INPP4B: variants seen among roughly 807,000 people sequenced by gnomAD.
The protein encoded by INPP4B is inositol polyphosphate 4-phosphatase type II.
In INPP4B, 55 loss-of-function variants were observed where a neutral mutation model predicts 122.5. The ratio of observed to expected loss-of-function variants is 0.45; its 90% CI spans 0.36 to 0.56. The LOEUF (loss-of-function observed/expected upper bound fraction) is 0.56. INPP4B is among the 20% of genes least tolerant of loss of function. INPP4B has a pLI of 0.00. For missense variants in INPP4B, 1,000 were observed against 1,097.7 expected, an observed-to-expected ratio of 0.91 and a Z score of 1.26; for synonymous variants, 403 against 388.7, an observed-to-expected ratio of 1.04 and a Z score of -0.43.
At chr4:142,341,254 G>T (rs770203351) in intron 7 of INPP4B, among the ~76,000 whole-genome samples, 4 of 152,172 alleles carry the variant, frequency 2.6e-5, no homozygotes, top group Non-Finnish European at 1.5e-5. Flanking sequence ...AAACAGACAT[G>T]ATGCAACATG....
At chr4:142,191,469 T>C (rs999413328) in intron 15 of INPP4B, among the ~76,000 whole-genome samples, 1 of 152,194 alleles carries the variant, frequency 6.6e-6, no homozygotes, top group Non-Finnish European at 1.5e-5. Flanking sequence ...TCAGATTCCA[T>C]GGGCAAAACC....
intron 2 of INPP4B, among the ~76,000 whole-genome samples, chr4:142,621,293 T>C (rs994010668): frequency 6.6e-6 from 1 of 151,854 alleles, no homozygotes; most frequent in Admixed American, 6.6e-5. Context: ...AACTTAGCAG[T>C]AGAGAGGTAA....
rs187862049 is a variant in INPP4B at position 142,328,507 on chromosome 4, G to A, written c.373-13745C>T. On this transcript the variant is annotated intron_variant, in intron 7 of 25. Coordinates refer to ENST00000262992, the MANE Select transcript of INPP4B (RefSeq NM_001101669.3). The stretch of plus-strand genomic sequence containing the variant: ...CAGTGTACAGTGGAGTTTTCCATAT[G>A]CTAAAAGACACGAGATATCACAAAA... 1.8e-3 allele frequency among the ~76,000 whole-genome samples: 277 copies of A among 152,158 alleles called. 1 individual carries two copies. The highest frequency in any genetic ancestry group is 6.2e-3 in the African/African-American group (259 of 41,502).
intron 18 of INPP4B, among the ~76,000 whole-genome samples, chr4:142,132,843 T>C (rs1255624947): frequency 6.6e-6 from 1 of 152,198 alleles, no homozygotes; most frequent in Non-Finnish European, 1.5e-5. Flanking sequence ...ATACTTTATT[T>C]CTCCATTTCC....
intron 2 of INPP4B, among the ~76,000 whole-genome samples, chr4:142,669,336 C>A (rs1211152281): frequency 6.6e-6 from 1 of 151,958 alleles, no homozygotes; most frequent in Non-Finnish European, 1.5e-5. Flanking sequence ...TATGACACCA[C>A]AAAGACCCCC....
intron 18 of INPP4B, among the ~76,000 whole-genome samples, chr4:142,132,347 G>A (rs1393995983): frequency 6.6e-6 from 1 of 151,956 alleles, no homozygotes; most frequent in Non-Finnish European, 1.5e-5. Flanking sequence ...GACCACCAGG[G>A]TTAGAACCCA....
intron 1 of INPP4B, among the ~76,000 whole-genome samples, chr4:142,827,678 G>T (rs1442141587): frequency 6.6e-6 from 1 of 152,094 alleles, no homozygotes; most frequent in Non-Finnish European, 1.5e-5. Flanking sequence ...GAAGTAAAAT[G>T]AAAATATTTA....
In INPP4B at chr4:142,452,648, C is replaced by T. The variant is rs557947439; in HGVS notation, c.-127+10015G>A. On this transcript the variant is annotated intron_variant, in intron 3 of 25. Transcript: ENST00000262992. ...TGTATCCAGCTGACCAGTGGCCACA[C>T]GGGGATTAAAGAGGCCTTTTGTTTT... 4.6e-5 allele frequency among the ~76,000 whole-genome samples: 7 copies of T among 152,192 alleles called. No homozygotes were observed. In the South Asian group the frequency reaches 6.2e-4, roughly 14 times the overall value.
chr4:142,818,970 C>T lies in INPP4B; in HGVS notation c.-254+27239G>A, dbSNP rs78193486. On this transcript the variant is annotated intron_variant, in intron 1 of 25. Coordinates refer to ENST00000262992, the MANE Select transcript of INPP4B (RefSeq NM_001101669.3). ...GCACTTTTCCAATTTGGTTTATTGC[C>T]TTATACCCAGCACCAAAAGAGCAGT... 1.4e-3 allele frequency among the ~76,000 whole-genome samples: 215 copies of T among 152,204 alleles called. 4 individuals are homozygous for T. The East Asian group carries it at 0.033, about 23-fold the overall frequency.
intron 8 of INPP4B, among the ~76,000 whole-genome samples, chr4:142,314,353 G>A (rs935789058): frequency 6.6e-6 from 1 of 152,042 alleles, no homozygotes; most frequent in African/African-American, 2.4e-5. Context: ...CAATCCTAGG[G>A]CTGGTTCTCT....
At chr4:142,230,197 A>G (rs1853551221) in intron 12 of INPP4B, among the ~76,000 whole-genome samples, 4 of 152,216 alleles carry the variant, frequency 2.6e-5, no homozygotes. Context: ...AGTAGCCTAT[A>G]GTTTTATTTA....
intron 2 of INPP4B, among the ~76,000 whole-genome samples, chr4:142,590,894 A>G (rs577867155): frequency 6.7e-6 from 1 of 150,264 alleles, no homozygotes; most frequent in South Asian, 2.1e-4. Context: ...AAAAAAAAAA[A>G]AAAAAACAAA....
At chr4:142,298,605 A>G (rs1033434194) in intron 9 of INPP4B, among the ~76,000 whole-genome samples, 2 of 140,530 alleles carry the variant, frequency 1.4e-5, no homozygotes, top group African/African-American at 5.3e-5. Context: ...AATTGCTTCA[A>G]CCCGGGATGC....
At chr4:142,475,400 C>A (rs942644750) in intron 2 of INPP4B, among the ~76,000 whole-genome samples, 19 of 151,142 alleles carry the variant, frequency 1.3e-4, no homozygotes, top group South Asian at 8.4e-4. Flanking sequence ...AAAAAAAAAA[C>A]AGTGCAAAAT....
chr4:142,740,190 G>C lies in INPP4B; in HGVS notation c.-253-14289C>G, dbSNP rs138585904. Among the ~76,000 whole-genome samples, 462 of 151,954 alleles carry C rather than the reference G, an allele frequency of 3.0e-3. 2 individuals are homozygous for C. Among genetic ancestry groups the C allele is most frequent in the African/African-American group, 0.01 (426 of 41,486 alleles). ...CAGCTGAAACAAATTTTGCAATGTG[G>C]AAAGCACATAAGCACAGAAAACCCA... On this transcript the variant is annotated intron_variant, in intron 1 of 25. Coordinates refer to ENST00000262992, the MANE Select transcript of INPP4B (RefSeq NM_001101669.3).
chr4:142,775,531 C>T lies in INPP4B; in HGVS notation c.-253-49630G>A, dbSNP rs552731187. ...CTCCCCTCCCCTCCCCACCCCTCCC[C>T]TACTCTCCTCTTCCCTTCCTTTTAA... On this transcript the variant is annotated intron_variant, in intron 1 of 25. Coordinates refer to ENST00000262992, the MANE Select transcript of INPP4B (RefSeq NM_001101669.3). Among the ~76,000 whole-genome samples, 739 of 146,452 alleles carry T rather than the reference C, an allele frequency of 5.0e-3. 3 individuals carry two copies. Among genetic ancestry groups the T allele is most frequent in the Middle Eastern group, 0.018 (5 of 284 alleles).
intron 2 of INPP4B, among the ~76,000 whole-genome samples, chr4:142,694,461 A>C (rs1760736750): frequency 6.6e-6 from 1 of 152,262 alleles, no homozygotes; most frequent in East Asian, 1.9e-4. Flanking sequence ...ATCTTTAATA[A>C]ATAAAGCTAA....
At chr4:142,704,376 A>T (rs191674924) in intron 2 of INPP4B, among the ~76,000 whole-genome samples, 1 of 152,220 alleles carries the variant, frequency 6.6e-6, no homozygotes, top group Non-Finnish European at 1.5e-5. Context: ...GAGTACAATG[A>T]CATATGAATT....
chr4:142,737,547 C>T (rs931114325), intron 1 of INPP4B, among the ~76,000 whole-genome samples: 18 of 152,152 alleles, frequency 1.2e-4, no homozygotes, highest in Non-Finnish European at 2.4e-4. Context: ...AGGACATAGG[C>T]ATGGGCAAGG....
Sources: gnomAD v4.1 joint callset for allele counts (sites outside exome capture counted in the v4.1 genomes callset) on GRCh38, gnomAD v4.1.1 for gene constraint, MANE v1.5 for transcripts, NCBI Gene and HGNC (gene_info 2026-07-23, HGNC 2026-07-21) for gene names.